Variants in CDH18 observed in about 807,000 individuals in gnomAD.
CDH18 encodes cadherin 18, also known as cadherin-18.
CDH18 carries 31 observed loss-of-function variants against 67.9 expected under a neutral mutation model. The ratio of observed to expected loss-of-function variants is 0.46; its 90% CI spans 0.34 to 0.62. The LOEUF (loss-of-function observed/expected upper bound fraction) is 0.62, where lower values mean the gene tolerates loss of function less well. CDH18 is among the 20% of genes least tolerant of loss of function. CDH18 has a pLI of 0.01. For missense variants in CDH18, 890 were observed against 975.5 expected (o/e 0.91, Z 1.17); for synonymous variants, 362 against 347.2 (o/e 1.04, Z -0.48).
At chr5:19,727,416 T>C (rs572947818) in intron 4 of CDH18, among the ~76,000 whole-genome samples, 12 of 152,166 alleles carry the variant, frequency 7.9e-5, no homozygotes, top group Non-Finnish European at 1.5e-4. Context: ...ATCAGGGCGA[T>C]GTGGCTACAA....
chr5:19,579,705 A>T (rs1742912090), intron 7 of CDH18, among the ~76,000 whole-genome samples: 1 of 151,622 alleles, frequency 6.6e-6, no homozygotes, highest in Non-Finnish European at 1.5e-5. Context: ...AATTTTTTTT[A>T]AACTTACAAT....
At chr5:19,994,855 T>TAGAG (rs1554078420) in intron 2 of CDH18, among the ~76,000 whole-genome samples, 1,583 of 67,560 alleles carry the variant, frequency 0.023, 203 homozygotes, top group African/African-American at 0.044. Context: ...TATATATATA[T>TAGAG]AGAGAGAGAG....
At chr5:19,849,375 A>T (rs1350290983) in intron 2 of CDH18, among the ~76,000 whole-genome samples, 1 of 151,934 alleles carries the variant, frequency 6.6e-6, no homozygotes, top group Admixed American at 6.6e-5. Flanking sequence ...GAGGCTATAA[A>T]TAAAAAGAAG....
chr5:19,553,486 G>A (rs887625474), intron 8 of CDH18, among the ~76,000 whole-genome samples: 2 of 151,590 alleles, frequency 1.3e-5, no homozygotes, highest in Non-Finnish European at 2.9e-5. Flanking sequence ...ATATTTGCAG[G>A]TACAAGACAT....
rs79625833 is a variant in CDH18, at chr5:19,971,720, G to A, written c.-257+9340C>T. Reference sequence around the variant, plus strand: ...GGTGGAGGGTGGAAGGAGGAAGACAGGATCAAGAAAAACAATTAATGAGTA... The same window carrying A: ...GGTGGAGGGTGGAAGGAGGAAGACAAGATCAAGAAAAACAATTAATGAGTA... On this transcript the variant is annotated intron_variant, in intron 2 of 12. Coordinates refer to ENST00000382275, the MANE Select transcript of CDH18 (RefSeq NM_004934.5). Among the ~76,000 whole-genome samples, 1,009 of 151,976 alleles carry A rather than the reference G, an allele frequency of 6.6e-3. 10 individuals carry two copies. Among genetic ancestry groups the A allele is most frequent in the African/African-American group, 0.023 (944 of 41,510 alleles).
chr5:19,825,742 G>A (rs1475437784), intron 3 of CDH18, among the ~76,000 whole-genome samples: 1 of 151,968 alleles, frequency 6.6e-6, no homozygotes, highest in African/African-American at 2.4e-5. Context: ...GCAAAGGACA[G>A]CAACTTCAAA....
At chr5:20,036,050 A>G (rs894046229) in intron 2 of CDH18, among the ~76,000 whole-genome samples, 3 of 152,076 alleles carry the variant, frequency 2.0e-5, no homozygotes, top group Admixed American at 2.0e-4. Context: ...TCACAACAGT[A>G]TATTAGAAAG....
intron 2 of CDH18, among the ~76,000 whole-genome samples, chr5:20,010,120 A>T (rs567038408): frequency 6.6e-6 from 1 of 150,712 alleles, no homozygotes; most frequent in South Asian, 2.1e-4. Context: ...GGATTAGTCT[A>T]TATTATTCTC....
At chr5:20,116,269 G>C (rs534937975) in intron 2 of CDH18, among the ~76,000 whole-genome samples, 23 of 152,018 alleles carry the variant, frequency 1.5e-4, no homozygotes, top group African/African-American at 5.6e-4. Context: ...TGCATAATGG[G>C]AGGCCCGAGG....
intron 11 of CDH18, among the ~76,000 whole-genome samples, chr5:19,498,625 A>G (rs1742730951): frequency 6.6e-6 from 1 of 152,292 alleles, no homozygotes; most frequent in East Asian, 1.9e-4. Flanking sequence ...TTAAAGAAAC[A>G]AAAACTGAGA....
chr5:20,197,097 C>T (rs994110267), intron 2 of CDH18, among the ~76,000 whole-genome samples: 14 of 152,014 alleles, frequency 9.2e-5, no homozygotes, highest in African/African-American at 2.9e-4. Context: ...CTGGAACCTC[C>T]GTCTCCCAGG....
intron 2 of CDH18, among the ~76,000 whole-genome samples, chr5:19,914,997 T>A (rs1791593828): frequency 6.6e-6 from 1 of 152,258 alleles, no homozygotes; most frequent in South Asian, 2.1e-4. Context: ...CCTTACTAAA[T>A]GTCCTATGTG....
rs1267628382 is a variant in CDH18, at chr5:19,693,987, T to A, written c.643+27360A>T. ...AATCTGGGTCAAGTTCCATCTCACATTATATTTAATTCATCTCAGTGAGAC... is the reference window on the plus strand; with the variant it reads ...AATCTGGGTCAAGTTCCATCTCACAATATATTTAATTCATCTCAGTGAGAC... On this transcript the variant is annotated intron_variant, in intron 5 of 12. Transcript: ENST00000382275. Among the ~76,000 whole-genome samples, 6 of 152,168 alleles carry A rather than the reference T, an allele frequency of 3.9e-5. No individual in the cohort carries two copies. The East Asian group carries it at 9.7e-4, about 25-fold the overall frequency.
At chr5:20,375,796 G>A (rs1743366545) in intron 1 of CDH18, among the ~76,000 whole-genome samples, 2 of 151,962 alleles carry the variant, frequency 1.3e-5, no homozygotes, top group Non-Finnish European at 2.9e-5. Flanking sequence ...TTTCATAGGA[G>A]ACACACTCCA....
intron 2 of CDH18, among the ~76,000 whole-genome samples, chr5:20,010,236 C>CTTTTTAATTT (rs988688365): frequency 1.3e-5 from 2 of 150,984 alleles, no homozygotes; most frequent in Non-Finnish European, 3.0e-5. Context: ...ATCACTCCTT[C>CTTTTTAATTT]TTTTTAATTT....
chr5:19,635,289 T>C (rs1752978035), intron 5 of CDH18, among the ~76,000 whole-genome samples: 1 of 152,200 alleles, frequency 6.6e-6, no homozygotes, highest in Non-Finnish European at 1.5e-5. Context: ...TATATCTTAC[T>C]ACTGGGAACC....
intron 5 of CDH18, among the ~76,000 whole-genome samples, chr5:19,697,138 A>G (rs535536484): frequency 7.0e-4 from 107 of 152,316 alleles, no homozygotes; most frequent in African/African-American, 2.5e-3. Context: ...TTGTATTAAG[A>G]AAAACAGAAA....
chr5:20,341,165 C>T (rs1740225614), intron 1 of CDH18, among the ~76,000 whole-genome samples: 1 of 152,106 alleles, frequency 6.6e-6, no homozygotes, highest in African/African-American at 2.4e-5. Context: ...TTGAAGGATG[C>T]AATATTGATC....
At chr5:19,998,945 T>A (rs1736228035) in intron 2 of CDH18, among the ~76,000 whole-genome samples, 1 of 152,114 alleles carries the variant, frequency 6.6e-6, no homozygotes, top group East Asian at 1.9e-4. Context: ...CAAGGTGGAA[T>A]TATTTTTCAA....
Sources: allele counts gnomAD v4.1 joint callset (sites outside exome capture counted in the v4.1 genomes callset), GRCh38; gene constraint gnomAD v4.1.1; transcripts MANE v1.5; gene names NCBI Gene and HGNC (gene_info 2026-07-23, HGNC 2026-07-21).